The following TXNDC11 variants were observed in gnomAD, a reference collection of about 807,000 sequenced individuals.
TXNDC11 encodes the protein thioredoxin domain-containing protein 11.
In TXNDC11, 68 loss-of-function variants were observed where a neutral mutation model predicts 78.0. The observed-to-expected ratio is 0.87, with a 90% CI of 0.72 to 1.07. The LOEUF is 1.07. TXNDC11 is among the 50% of genes least tolerant of loss of function. TXNDC11 has a pLI of 0.00. For missense variants in TXNDC11, 1,389 were observed against 1,221.8 expected (o/e 1.14, Z -2.04); for synonymous variants, 571 against 495.2 (o/e 1.15, Z -2.03).
intron 5 of TXNDC11, among the ~76,000 whole-genome samples, chr16:11,702,621 G>C (rs898084353): frequency 1.4e-4 from 22 of 152,230 alleles, no homozygotes; most frequent in African/African-American, 5.1e-4. Flanking sequence ...CGCGAGCTGA[G>C]ATCCCAAGAT....
At chr16:11,689,082 T>C (rs2050640914) in intron 8 of TXNDC11, among the ~76,000 whole-genome samples, 2 of 135,270 alleles carry the variant, frequency 1.5e-5, no homozygotes, top group Non-Finnish European at 3.1e-5. Context: ...CTAATTTGAA[T>C]TTCACTTTTT....
chr16:11,692,230 G>A, intron 7 of TXNDC11, 148 bp from the exon 8 acceptor site: 1 of 685,598 alleles, frequency 1.5e-6, no homozygotes, highest in Non-Finnish European at 2.4e-6. Flanking sequence ...AAATAAACAA[G>A]TCGTAAGTTT....
chr16:11,693,737 C>A (rs2050781914), intron 7 of TXNDC11, among the ~76,000 whole-genome samples: 1 of 152,128 alleles, frequency 6.6e-6, no homozygotes, highest in Admixed American at 6.5e-5. Flanking sequence ...ATTTCCCCTG[C>A]ACAAAAACAT....
intron 5 of TXNDC11, among the ~76,000 whole-genome samples, chr16:11,701,823 C>T (rs1262780933): frequency 6.6e-6 from 1 of 152,024 alleles, no homozygotes; most frequent in Non-Finnish European, 1.5e-5. Context: ...GGCAAAACGG[C>T]ACAGCCACTC....
intron 5 of TXNDC11, among the ~76,000 whole-genome samples, chr16:11,709,090 G>A (rs144763011): frequency 2.0e-5 from 3 of 152,086 alleles, no homozygotes; most frequent in African/African-American, 7.2e-5. Flanking sequence ...ATCATTACTT[G>A]CATTTTCCCC....
intron 10 of TXNDC11, among the ~76,000 whole-genome samples, chr16:11,685,231 C>T (rs2050533290): frequency 6.6e-6 from 1 of 152,160 alleles, no homozygotes; most frequent in South Asian, 2.1e-4. Flanking sequence ...TGGCACATGC[C>T]TGTAGTCCCA....
Position 11,679,839 on chromosome 16 carries a change from T to C in TXNDC11, c.2235-2A>G, listed in dbSNP as rs2050375442. The C allele has an allele frequency of 1.2e-6, 2 of 1,604,008 alleles. No individual in the cohort carries two copies. The highest frequency in any genetic ancestry group is 4.5e-5 in the East Asian group (2 of 44,630). ...GGGTATTTCACACTTAGGTCCTTTC[T>C]GGAGAGAGAGGGAAAGGAAGCAAAG... On this transcript the variant is annotated splice_acceptor_variant, in intron 11 of 11. Transcript: ENST00000283033. LOFTEE classifies it high-confidence loss of function. This position sits in a 1 kb window ranked among gnomAD's most constrained non-coding sequence, Gnocchi z 4.6.
intron 5 of TXNDC11, among the ~76,000 whole-genome samples, chr16:11,703,276 G>C (rs2051084580): frequency 6.6e-6 from 1 of 152,158 alleles, no homozygotes; most frequent in South Asian, 2.1e-4. Context: ...AAAAAGAACT[G>C]TACATAAATG....
intron 7 of TXNDC11, among the ~76,000 whole-genome samples, chr16:11,693,022 C>T (rs1005884635): frequency 6.6e-6 from 1 of 152,170 alleles, no homozygotes; most frequent in Non-Finnish European, 1.5e-5. Flanking sequence ...CCCTGAGACC[C>T]CTTCTACAGT....
At chr16:11,701,128 CTTTTTTTTTT>C (rs397855467) in intron 5 of TXNDC11, among the ~76,000 whole-genome samples, 2 of 101,666 alleles carry the variant, frequency 2.0e-5, no homozygotes, top group Non-Finnish European at 3.9e-5. Context: ...CCAATGTCCT[CTTTTTTTTTT>C]TTTTTTTTTT....
intron 4 of TXNDC11, 102 bp from the exon 5 acceptor site, chr16:11,721,772 A>T: frequency 1.6e-6 from 1 of 624,292 alleles, no homozygotes; most frequent in Non-Finnish European, 2.8e-6. Flanking sequence ...CAATTAATGC[A>T]TCTTGTTGCC....
At position 11,742,606 on chromosome 16, in the gene TXNDC11, G is replaced by T. The variant is rs1439420905; in HGVS notation, c.125C>A (p.Ala42Glu). 1 of 1,459,764 alleles carries T rather than the reference G, an allele frequency of 6.9e-7. No individual in the cohort carries two copies. The allele number at this position is 1,459,764 out of a possible 1,614,324, so 90.4% of individuals were successfully genotyped here. The change falls in exon 1 of 12, where the codon GCG (alanine) becomes GAG (glutamate). Residue 42 changes from alanine to glutamate, a missense_variant. Physicochemically the swap from Ala to Glu is moderately radical, Grantham distance 107 (BLOSUM62 -1). Coordinates refer to ENST00000283033, the MANE Select transcript of TXNDC11 (RefSeq NM_015914.7). ...CLSSSPTLATASSAGRLRRGL... is the reference protein window; with the variant it reads ...CLSSSPTLATESSAGRLRRGL... ...GCGACGGAGCCGGCCCGCCGAGGAC[G>T]CTGTGGCCAGGGTCGGGCTCGAGCT...
At chr16:11,701,125 CCTCTTTTTTTTT>C (rs2051004337) in intron 5 of TXNDC11, among the ~76,000 whole-genome samples, 1 of 146,162 alleles carries the variant, frequency 6.8e-6, no homozygotes, top group East Asian at 2.0e-4. Flanking sequence ...GGCCCAATGT[CCTCTTTTTTTTT>C]TTTTTTTTTT....
chr16:11,732,423 C>T (rs992065427), intron 3 of TXNDC11, among the ~76,000 whole-genome samples: 3 of 152,162 alleles, frequency 2.0e-5, no homozygotes, highest in African/African-American at 7.2e-5. Flanking sequence ...CTCACCATCC[C>T]GTTACAGAGC....
chr16:11,682,574 T>G (rs1380960020), intron 11 of TXNDC11, among the ~76,000 whole-genome samples: 2 of 152,218 alleles, frequency 1.3e-5, no homozygotes, highest in African/African-American at 4.8e-5. Context: ...TGCTGAGAAC[T>G]TCTTCATTAA....
chr16:11,692,892 G>C (rs1015714976), intron 7 of TXNDC11, among the ~76,000 whole-genome samples: 8 of 152,110 alleles, frequency 5.3e-5, no homozygotes, highest in African/African-American at 1.7e-4. Context: ...CCTTTACGGA[G>C]TCCTGGCTGG....
At chr16:11,685,050 T>C (rs1054013301) in intron 10 of TXNDC11, among the ~76,000 whole-genome samples, 2 of 152,202 alleles carry the variant, frequency 1.3e-5, no homozygotes, top group African/African-American at 4.8e-5. Context: ...TCCAAAAGGA[T>C]GAAATTTGCT....
At chr16:11,729,346 TC>T (rs758684783) in intron 4 of TXNDC11, among the ~76,000 whole-genome samples, 3 of 152,152 alleles carry the variant, frequency 2.0e-5, no homozygotes, top group Non-Finnish European at 4.4e-5. Flanking sequence ...TGCACAGACA[TC>T]CATCTGCTAT....
chr16:11,709,513 C>T (rs370796990), intron 5 of TXNDC11, among the ~76,000 whole-genome samples: 5 of 137,386 alleles, frequency 3.6e-5, no homozygotes, highest in African/African-American at 1.4e-4. Context: ...CGGCTCACTG[C>T]AAGCTCCGCC....
Sources: gnomAD v4.1 joint callset for allele counts (sites outside exome capture counted in the v4.1 genomes callset) on GRCh38, gnomAD v4.1.1 for gene constraint, Gnocchi (gnomAD v3.1) non-coding constraint, MANE v1.5 for transcripts, NCBI Gene and HGNC (gene_info 2026-07-23, HGNC 2026-07-21) for gene names.